The following DAPP1 variants were observed in gnomAD, a reference collection of about 807,000 sequenced individuals.
The protein encoded by DAPP1 is dual adaptor of phosphotyrosine and 3-phosphoinositides 1.
A neutral mutation model predicts 41.5 loss-of-function variants in DAPP1; 20 were observed. The ratio of observed to expected loss-of-function variants is 0.48; its 90% CI spans 0.34 to 0.70. The LOEUF (loss-of-function observed/expected upper bound fraction) is 0.70, where lower values mean the gene tolerates loss of function less well. Ranked by LOEUF, DAPP1 falls within the 30% of genes least tolerant of loss-of-function variation. The pLI, the probability that DAPP1 is intolerant of heterozygous loss-of-function variation, is 0.01. For synonymous variants in DAPP1, 113 were observed against 116.2 expected, an observed-to-expected ratio of 0.97 and a Z score of 0.18; for missense variants, 233 against 333.4, an observed-to-expected ratio of 0.70 and a Z score of 2.35.
intron 3 of DAPP1, among the ~76,000 whole-genome samples, chr4:99,848,990 G>A (rs1451003543): frequency 6.6e-6 from 1 of 152,166 alleles, no homozygotes; most frequent in Non-Finnish European, 1.5e-5. Context: ...CTGTATATTG[G>A]CTCTTCCTTG....
intron 2 of DAPP1, 97 bp from the exon 3 acceptor site, chr4:99,840,192 A>T (rs1467051000): frequency 3.8e-5 from 29 of 753,584 alleles, no homozygotes; most frequent in Non-Finnish European, 5.2e-5. Flanking sequence ...CAGTTCTTAT[A>T]AAGGGTTAAT....
intron 4 of DAPP1, among the ~76,000 whole-genome samples, chr4:99,854,459 A>G (rs1723975509): frequency 6.6e-6 from 1 of 152,220 alleles, no homozygotes; most frequent in African/African-American, 2.4e-5. Context: ...AATAAGTGTA[A>G]CTTTCTATAT....
chr4:99,840,761 C>T (rs1221219422), intron 3 of DAPP1, among the ~76,000 whole-genome samples: 1 of 152,122 alleles, frequency 6.6e-6, no homozygotes, highest in Non-Finnish European at 1.5e-5. Flanking sequence ...AAATTTTGAG[C>T]ATTTTAAAAA....
chr4:99,867,008 G>A (rs1230181299), intron 8 of DAPP1, among the ~76,000 whole-genome samples: 1 of 152,018 alleles, frequency 6.6e-6, no homozygotes, highest in Non-Finnish European at 1.5e-5. Flanking sequence ...CACCTCAAGT[G>A]ATCCACCAGC....
intron 1 of DAPP1, among the ~76,000 whole-genome samples, chr4:99,826,105 G>C (rs189187410): frequency 6.6e-6 from 1 of 152,158 alleles, no homozygotes; most frequent in Admixed American, 6.5e-5. Flanking sequence ...GAGTGTGAAC[G>C]CCTAATAGAT....
At chr4:99,818,916 A>G (rs1722679648) in intron 1 of DAPP1, among the ~76,000 whole-genome samples, 1 of 152,156 alleles carries the variant, frequency 6.6e-6, no homozygotes, top group Non-Finnish European at 1.5e-5. Flanking sequence ...TTTCTTGTCA[A>G]ACTCTCCAAG....
At chr4:99,848,230 A>ATT (rs57214417) in intron 3 of DAPP1, among the ~76,000 whole-genome samples, 18,415 of 139,864 alleles carry the variant, frequency 0.13, 1,267 homozygotes, top group African/African-American at 0.16. Context: ...CAGGAGCAGA[A>ATT]TTTTTTTTTT....
chr4:99,837,968 T>C (rs1723357164), intron 2 of DAPP1, among the ~76,000 whole-genome samples: 1 of 152,104 alleles, frequency 6.6e-6, no homozygotes, highest in Admixed American at 6.5e-5. Flanking sequence ...TGCACTCCTA[T>C]GAGAATCTAT....
At position 99,866,137 on chromosome 4, in the gene DAPP1, C is replaced by G. The variant is rs776466841; in HGVS notation, c.774+16C>G. 3.8e-5 allele frequency: 54 copies of G among 1,403,326 alleles called. 1 individual carries two copies. The Middle Eastern group carries it at 1.8e-3, about 46-fold the overall frequency. The allele number at this position is 1,403,326 out of a possible 1,614,324, so 86.9% of individuals were successfully genotyped here. A position where few individuals can be genotyped will look rare whatever the true frequency, so the allele number is the denominator to read the frequency against. On this transcript the variant is annotated intron_variant, in intron 8 of 8. Transcript: ENST00000512369. ...CTGGAAATTGGTGAGAATTTTTAAG[C>G]CTTCAGATGTCAAGTCTTGAGAAAT...
intron 1 of DAPP1, among the ~76,000 whole-genome samples, chr4:99,826,662 C>T (rs1249157322): frequency 6.6e-6 from 1 of 152,230 alleles, no homozygotes; most frequent in Non-Finnish European, 1.5e-5. Context: ...CACTTCCCAA[C>T]AGGGACCCTG....
chr4:99,816,836 G>C lies in DAPP1; in HGVS notation c.-78G>C, dbSNP rs1422298820. On this transcript the variant is annotated 5_prime_UTR_variant, in exon 1 of 9. Coordinates refer to ENST00000512369, the MANE Select transcript of DAPP1 (RefSeq NM_014395.3). ...GCCTTGGAGACTCAGAGCCATAGCAGGCTGCTGTCTCACAGAGCGAGAAGG... is the reference window on the plus strand; with the variant it reads ...GCCTTGGAGACTCAGAGCCATAGCACGCTGCTGTCTCACAGAGCGAGAAGG... The C allele has an allele frequency of 7.0e-6, 9 of 1,291,648 alleles. No homozygotes were observed. The East Asian group carries it at 2.3e-4, about 34-fold the overall frequency. The allele number at this position is 1,291,648 out of a possible 1,614,324, so 80.0% of individuals were successfully genotyped here.
chr4:99,834,285 G>A (rs991438701), intron 1 of DAPP1, among the ~76,000 whole-genome samples: 7 of 152,308 alleles, frequency 4.6e-5, no homozygotes, highest in Admixed American at 3.9e-4. Flanking sequence ...TTAAGAGGAA[G>A]CACAGGAAAA....
At chr4:99,836,124 C>T (rs1723290722) in intron 2 of DAPP1, among the ~76,000 whole-genome samples, 1 of 152,152 alleles carries the variant, frequency 6.6e-6, no homozygotes. Context: ...TCTGTAAATG[C>T]AGAATGATTT....
chr4:99,833,649 T>A (rs1275567562), intron 1 of DAPP1, among the ~76,000 whole-genome samples: 2 of 152,216 alleles, frequency 1.3e-5, no homozygotes, highest in Non-Finnish European at 2.9e-5. Flanking sequence ...CACACTGACA[T>A]TATTTGTATA....
chr4:99,836,818 G>A (rs1439166070), intron 2 of DAPP1, among the ~76,000 whole-genome samples: 1 of 152,220 alleles, frequency 6.6e-6, no homozygotes, highest in East Asian at 1.9e-4. Flanking sequence ...ACAGTTTCTG[G>A]CTGGATTCTC....
At chr4:99,826,320 T>A (rs892285361) in intron 1 of DAPP1, among the ~76,000 whole-genome samples, 6 of 152,096 alleles carry the variant, frequency 3.9e-5, no homozygotes, top group Non-Finnish European at 7.4e-5. Flanking sequence ...GAAAATGAAA[T>A]AAGAGAAAAT....
chr4:99,840,500 A>G (rs1723458760), intron 3 of DAPP1, 78 bp downstream of exon 3: 3 of 1,451,602 alleles, frequency 2.1e-6, no homozygotes. Context: ...TCAATTTAAG[A>G]ATGTCATTGT....
intron 4 of DAPP1, among the ~76,000 whole-genome samples, chr4:99,856,461 A>C (rs1724047775): frequency 6.6e-6 from 1 of 152,204 alleles, no homozygotes; most frequent in African/African-American, 2.4e-5. Context: ...GAAGGTCAGA[A>C]TTACGGGATG....
intron 2 of DAPP1, among the ~76,000 whole-genome samples, chr4:99,836,082 G>T (rs765366822): frequency 6.6e-6 from 1 of 152,138 alleles, no homozygotes; most frequent in Non-Finnish European, 1.5e-5. Flanking sequence ...CTGACACCTG[G>T]CTCAGTGTCC....
Sources: allele counts gnomAD v4.1 joint callset (sites outside exome capture counted in the v4.1 genomes callset), GRCh38; gene constraint gnomAD v4.1.1; transcripts MANE v1.5; gene names NCBI Gene and HGNC (gene_info 2026-07-23, HGNC 2026-07-21).